Variants in NUP88 observed in about 807,000 individuals in gnomAD.
The protein encoded by NUP88 is nuclear pore complex protein Nup88.
In NUP88, 57 loss-of-function variants were observed where a neutral mutation model predicts 93.9. That is an observed-to-expected ratio of 0.61 (90% CI 0.49 to 0.76). The LOEUF is 0.76. NUP88 is among the 30% of genes least tolerant of loss of function. The probability of loss-of-function intolerance (pLI) is 0.00; values close to 1 mark genes in which losing one functional copy is unlikely to be tolerated. For synonymous variants in NUP88, 346 were observed against 336.8 expected, an observed-to-expected ratio of 1.03 and a Z score of -0.30; for missense variants, 911 against 901.0, an observed-to-expected ratio of 1.01 and a Z score of -0.14.
rs757362663 is a variant in NUP88 at position 5,405,086 on chromosome 17, G to A, written c.1015C>T (p.Leu339=). The change falls in exon 6 of 17, where the codon CTA becomes TTA. Residue 339 remains leucine, a synonymous_variant. Coordinates refer to ENST00000573584, the MANE Select transcript of NUP88 (RefSeq NM_002532.6). ...ESGMLYHCVV[L]EGEEEDDHTS... Reference sequence around the variant, plus strand: ...TGGTCATCTTCTTCTTCCCCTTCTAGCACGACACAGTGATACAGCATTCCT... The same window carrying A: ...TGGTCATCTTCTTCTTCCCCTTCTAACACGACACAGTGATACAGCATTCCT... The A allele has an allele frequency of 4.3e-6, 7 of 1,613,850 alleles. No individual in the cohort carries two copies. In the African/African-American group the frequency reaches 9.3e-5, roughly 22 times the overall value.
intron 8 of NUP88, 136 bp from the exon 9 acceptor site, chr17:5,395,117 T>C (rs1597318732): frequency 1.4e-5 from 9 of 627,468 alleles, no homozygotes; most frequent in East Asian, 5.6e-5. Context: ...TTTTCTGACA[T>C]AGGCATACGC....
chr17:5,394,881 G>C lies in NUP88; in HGVS notation c.1382+10C>G. 6.3e-7 allele frequency: 1 copy of C among 1,582,906 alleles called. No individual in the cohort carries two copies. ...TGTTTTCTGATATACAAGGGAGGGAGAGTCCTTACCTGCAGGGCAATGGCT... is the reference window on the plus strand; with the variant it reads ...TGTTTTCTGATATACAAGGGAGGGACAGTCCTTACCTGCAGGGCAATGGCT... On this transcript the variant is annotated intron_variant, in intron 9 of 16. Coordinates refer to ENST00000573584, the MANE Select transcript of NUP88 (RefSeq NM_002532.6).
rs750122764 is a variant in NUP88, at chr17:5,419,536, C to T, written c.115G>A (p.Ala39Thr). The T allele has an allele frequency of 6.2e-7, 1 of 1,613,760 alleles. No individual in the cohort carries two copies. Among genetic ancestry groups the T allele is most frequent in the Non-Finnish European group, 8.5e-7 (1 of 1,179,788 alleles). ...EGLKNQSPTE[A>T]EKPASSSLPS... ...AACGACGAAGAAGCTGGTTTCTCAG[C>T]TTCGGTTGGACTCTGGTTTTTCAGT... Residue 39 changes from alanine to threonine, a missense_variant, in exon 1 of 17, where the codon GCT (alanine) becomes ACT (threonine). By Grantham distance (58) the Ala-to-Thr change is moderately conservative. Coordinates refer to ENST00000573584, the MANE Select transcript of NUP88 (RefSeq NM_002532.6).
chr17:5,410,561 G>T, intron 4 of NUP88, 142 bp downstream of exon 4: 3 of 612,994 alleles, frequency 4.9e-6, no homozygotes, highest in Non-Finnish European at 2.9e-6. Flanking sequence ...ACGAATCCCT[G>T]TTCTACTAAA....
intron 8 of NUP88, 33 bp downstream of exon 8, chr17:5,399,519 T>C: frequency 9.5e-7 from 1 of 1,049,292 alleles, no homozygotes; most frequent in Non-Finnish European, 1.5e-6. Flanking sequence ...TCCTCTGAAA[T>C]CTATTAAAAG....
At chr17:5,394,852 C>A in intron 9 of NUP88, 39 bp downstream of exon 9, 2 of 1,337,352 alleles carry the variant, frequency 1.5e-6, no homozygotes, top group Non-Finnish European at 2.2e-6. Flanking sequence ...CTGAAATGAA[C>A]AATTGTTTTC....
intron 1 of NUP88, 44 bp from the exon 2 acceptor site, chr17:5,416,726 A>T (rs766305839): frequency 6.8e-7 from 1 of 1,476,422 alleles, no homozygotes; most frequent in Admixed American, 2.1e-5. Flanking sequence ...ATTTTAATTT[A>T]AATATAGGTG....
At chr17:5,398,613 CAG>C (rs1238281364) in intron 8 of NUP88, among the ~76,000 whole-genome samples, 1 of 144,802 alleles carries the variant, frequency 6.9e-6, no homozygotes, top group Non-Finnish European at 1.5e-5. Context: ...TTTTTTGAGA[CAG>C]AGTCTCGCTC....
chr17:5,410,543 C>T (rs1490545904), intron 4 of NUP88, among the ~76,000 whole-genome samples, 160 bp downstream of exon 4: 3 of 152,162 alleles, frequency 2.0e-5, no homozygotes, highest in Non-Finnish European at 4.4e-5. Context: ...ACCAGCCTGG[C>T]CAACACGACG....
At chr17:5,389,949 T>C (rs1459241863) in intron 10 of NUP88, among the ~76,000 whole-genome samples, 1 of 152,014 alleles carries the variant, frequency 6.6e-6, no homozygotes, top group African/African-American at 2.4e-5. Flanking sequence ...GTGGATCACC[T>C]GAGGTCAGGA....
At position 5,385,797 on chromosome 17, in the gene NUP88, G is replaced by A. The variant is rs1456704889; in HGVS notation, c.*409C>T. Reference sequence around the variant, plus strand: ...AGAAGAAAGTGTTCAAATTAAAAAAGCTGCTGCCAAGTACACTGTGTGGTC... The same window carrying A: ...AGAAGAAAGTGTTCAAATTAAAAAAACTGCTGCCAAGTACACTGTGTGGTC... On this transcript the variant is annotated 3_prime_UTR_variant, in exon 17 of 17. Coordinates refer to ENST00000573584, the MANE Select transcript of NUP88 (RefSeq NM_002532.6). The A allele has an allele frequency of 1.3e-5, 3 of 238,596 alleles. No individual in the cohort carries two copies. The highest frequency in any genetic ancestry group is 5.6e-5 in the Admixed American group (1 of 17,912). The allele number at this position is 238,596 out of a possible 1,614,324, so 14.8% of individuals were successfully genotyped here.
intron 8 of NUP88, 44 bp downstream of exon 8, chr17:5,399,508 T>G: frequency 1.0e-6 from 1 of 969,686 alleles, no homozygotes; most frequent in South Asian, 1.4e-5. Context: ...AAATCTATTT[T>G]TCCTCTGAAA....
In NUP88 at chr17:5,394,874, G is replaced by A. The variant is rs1912672175; in HGVS notation, c.1382+17C>T. 1.3e-6 allele frequency: 2 copies of A among 1,544,002 alleles called. No individual in the cohort carries two copies. The highest frequency in any genetic ancestry group is 1.4e-5 in the African/African-American group (1 of 73,600). On this transcript the variant is annotated intron_variant, in intron 9 of 16. Transcript: ENST00000573584. ...GAACAATTGTTTTCTGATATACAAGGGAGGGAGAGTCCTTACCTGCAGGGC... is the reference window on the plus strand; with the variant it reads ...GAACAATTGTTTTCTGATATACAAGAGAGGGAGAGTCCTTACCTGCAGGGC...
chr17:5,409,177 C>T (rs1179730894), intron 4 of NUP88, among the ~76,000 whole-genome samples: 1 of 152,046 alleles, frequency 6.6e-6, no homozygotes, highest in African/African-American at 2.4e-5. Flanking sequence ...AGTTCGAGAC[C>T]AGCCTGGCCA....
chr17:5,412,791 G>A (rs888828932), intron 3 of NUP88, among the ~76,000 whole-genome samples: 3 of 152,208 alleles, frequency 2.0e-5, no homozygotes, highest in South Asian at 2.1e-4. Flanking sequence ...CTACCAGTTC[G>A]GTAAGATCTC....
intron 9 of NUP88, among the ~76,000 whole-genome samples, chr17:5,392,755 T>A (rs1235416116): frequency 2.0e-5 from 3 of 152,228 alleles, no homozygotes; most frequent in Admixed American, 1.3e-4. Context: ...GGCAAGACTG[T>A]TTAATTTTAC....
chr17:5,419,256 G>A, intron 1 of NUP88, 98 bp downstream of exon 1: 1 of 1,337,444 alleles, frequency 7.5e-7, no homozygotes, highest in Non-Finnish European at 9.9e-7. Context: ...CCGCTGGAAC[G>A]CCTGCCACAA....
At position 5,386,237 on chromosome 17, in the gene NUP88, ATT is replaced by A; in HGVS notation, c.2193_2194del (p.Gln731HisfsTer3). On this transcript the variant is annotated frameshift_variant, in exon 17 of 17. Coordinates refer to ENST00000573584, the MANE Select transcript of NUP88 (RefSeq NM_002532.6). LOFTEE classifies it high-confidence loss of function. ...GTTTACATGATTGCGGATATCATTGATTTGCTTCACCATTTCCCTTATATGTT... is the reference window on the plus strand; with the variant it reads ...GTTTACATGATTGCGGATATCATTGATGCTTCACCATTTCCCTTATATGTT... 6.2e-7 allele frequency: 1 copy of A among 1,613,442 alleles called. No homozygotes were observed. Among genetic ancestry groups the A allele is most frequent in the Non-Finnish European group, 8.5e-7 (1 of 1,179,768 alleles).
At chr17:5,392,674 G>A (rs572594724) in intron 9 of NUP88, among the ~76,000 whole-genome samples, 2 of 152,236 alleles carry the variant, frequency 1.3e-5, no homozygotes, top group South Asian at 2.1e-4. Context: ...AGAAGTAGCC[G>A]CTACTCTGAC....
Sources: allele counts gnomAD v4.1 joint callset (sites outside exome capture counted in the v4.1 genomes callset), GRCh38; gene constraint gnomAD v4.1.1; transcripts MANE v1.5; gene names NCBI Gene and HGNC (gene_info 2026-07-23, HGNC 2026-07-21).